STXBP5L: variants seen among roughly 807,000 people sequenced by gnomAD.
STXBP5L encodes the protein syntaxin binding protein 5L.
Under a neutral mutation model 144.5 loss-of-function variants are expected in STXBP5L, and 65 were observed. The observed-to-expected ratio is 0.45, with a 90% CI of 0.37 to 0.55. STXBP5L has a LOEUF of 0.55. STXBP5L is among the 20% of genes least tolerant of loss of function. STXBP5L has a pLI of 0.00. For missense variants in STXBP5L, 1,298 were observed against 1,405.5 expected (o/e 0.92, Z 1.22); for synonymous variants, 505 against 469.6 (o/e 1.08, Z -0.97).
chr3:121,208,407 C>T (rs1411218094), intron 10 of STXBP5L, among the ~76,000 whole-genome samples: 1 of 152,022 alleles, frequency 6.6e-6, no homozygotes, highest in African/African-American at 2.4e-5. Context: ...GGGTGCAGCA[C>T]ACCAACATGG....
At chr3:121,011,191 G>T (rs1944747967) in intron 3 of STXBP5L, among the ~76,000 whole-genome samples, 1 of 150,578 alleles carries the variant, frequency 6.6e-6, no homozygotes, top group South Asian at 2.1e-4. Context: ...TAACATTTAG[G>T]CTTGGCTGCA....
At chr3:121,209,020 T>C (rs1380987776) in intron 10 of STXBP5L, among the ~76,000 whole-genome samples, 1 of 152,194 alleles carries the variant, frequency 6.6e-6, no homozygotes, top group Admixed American at 6.5e-5. Context: ...TATGCAGTGT[T>C]TGGTTTTCTG....
intron 9 of STXBP5L, among the ~76,000 whole-genome samples, chr3:121,162,325 G>T (rs1163682966): frequency 1.3e-5 from 2 of 152,030 alleles, no homozygotes; most frequent in Non-Finnish European, 2.9e-5. Flanking sequence ...TGGGGAAAGG[G>T]TTCCCTATTT....
chr3:121,387,236 A>G (rs1010140567), intron 22 of STXBP5L, among the ~76,000 whole-genome samples: 6 of 152,116 alleles, frequency 3.9e-5, no homozygotes. Flanking sequence ...TCCTTTGCCC[A>G]CTTTTTGATG....
chr3:121,185,850 T>C (rs933148488), intron 9 of STXBP5L, among the ~76,000 whole-genome samples: 10 of 152,224 alleles, frequency 6.6e-5, no homozygotes, highest in Non-Finnish European at 1.0e-4. Flanking sequence ...ATTGGTAGCT[T>C]GATGGAGATG....
chr3:121,063,955 A>G (rs369092751), intron 5 of STXBP5L, among the ~76,000 whole-genome samples: 1 of 152,044 alleles, frequency 6.6e-6, no homozygotes, highest in South Asian at 2.1e-4. Context: ...ACTGAGCTAG[A>G]CCACTTGGAT....
In STXBP5L at chr3:121,419,209, T is replaced by A; in HGVS notation, c.*112T>A. On this transcript the variant is annotated 3_prime_UTR_variant, in exon 27 of 27. Coordinates refer to ENST00000471454, the MANE Select transcript of STXBP5L (RefSeq NM_001308330.2). ...CAGTTTCTTCTACAAAATGTTCCAT[T>A]TACAGTCAATCTGAAATTTTCATAA... The A allele has an allele frequency of 9.6e-7, 1 of 1,042,790 alleles. No individual in the cohort carries two copies. The highest frequency in any genetic ancestry group is 2.6e-5 in the East Asian group (1 of 38,556). 64.6% of individuals were successfully genotyped at this position (1,042,790 alleles called of 1,614,324 possible).
At chr3:121,034,821 C>T (rs2107524196) in intron 3 of STXBP5L, among the ~76,000 whole-genome samples, 1 of 152,180 alleles carries the variant, frequency 6.6e-6, no homozygotes, top group East Asian at 1.9e-4. Flanking sequence ...AGAGTTTGTA[C>T]TAGTTTATTT....
intron 11 of STXBP5L, among the ~76,000 whole-genome samples, chr3:121,231,863 CAAACAG>C (rs974319787): frequency 6.6e-6 from 1 of 152,114 alleles, no homozygotes; most frequent in African/African-American, 2.4e-5. Context: ...TATCAGAATA[CAAACAG>C]AAACAGAAAA....
At chr3:121,329,861 C>T (rs1242428259) in intron 20 of STXBP5L, among the ~76,000 whole-genome samples, 3 of 152,040 alleles carry the variant, frequency 2.0e-5, no homozygotes, top group Non-Finnish European at 4.4e-5. Flanking sequence ...CCCTGTTCCC[C>T]CACATTCCTC....
rs181904087 is a variant in STXBP5L, at chr3:121,055,054, A to T, written c.470+9519A>T. Among the ~76,000 whole-genome samples, 923 of 152,320 alleles carry T rather than the reference A, an allele frequency of 6.1e-3. 7 individuals are homozygous for T. Among genetic ancestry groups the T allele is most frequent in the Admixed American group, 0.013 (200 of 15,288 alleles). The stretch of plus-strand genomic sequence containing the variant: ...CTGAGTTAGATTAATTGGTAGAAAC[A>T]TAAAAGAGCAAGCTGACAGATTTGA... On this transcript the variant is annotated intron_variant, in intron 5 of 26. Coordinates refer to ENST00000471454, the MANE Select transcript of STXBP5L (RefSeq NM_001308330.2).
At chr3:121,127,488 G>T (rs2044762957) in intron 7 of STXBP5L, among the ~76,000 whole-genome samples, 1 of 151,988 alleles carries the variant, frequency 6.6e-6, no homozygotes, top group African/African-American at 2.4e-5. Context: ...TCCTTGACTT[G>T]TGGCAGTATA....
At chr3:120,975,558 T>C (rs1940880701) in intron 3 of STXBP5L, among the ~76,000 whole-genome samples, 1 of 152,172 alleles carries the variant, frequency 6.6e-6, no homozygotes, top group African/African-American at 2.4e-5. Flanking sequence ...CTGATTGCCC[T>C]GGCCAGAACT....
chr3:120,971,403 C>G (rs1326011487), intron 3 of STXBP5L, among the ~76,000 whole-genome samples: 1 of 151,854 alleles, frequency 6.6e-6, no homozygotes, highest in African/African-American at 2.4e-5. Flanking sequence ...TCCATCCCAC[C>G]TTTTGGAGCC....
intron 3 of STXBP5L, among the ~76,000 whole-genome samples, chr3:121,021,510 C>A (rs1246093151): frequency 6.6e-6 from 1 of 152,100 alleles, no homozygotes; most frequent in Non-Finnish European, 1.5e-5. Context: ...AAGACCATAT[C>A]ATAGGCCACA....
At chr3:120,936,602 A>T (rs576261467) in intron 2 of STXBP5L, among the ~76,000 whole-genome samples, 3 of 150,940 alleles carry the variant, frequency 2.0e-5, no homozygotes, top group Non-Finnish European at 4.4e-5. Context: ...TCTTAAATAA[A>T]GTCTGATACA....
rs780076881 is a variant in STXBP5L at position 121,263,352 on chromosome 3, C to T, written c.1958+4184C>T. On this transcript the variant is annotated intron_variant, in intron 18 of 26. Transcript: ENST00000471454. The stretch of plus-strand genomic sequence containing the variant: ...CAAAGACCAAAAGTAGATGAATCCA[C>T]GAACATGAGGAAAAACCAGCACAAA... Among the ~76,000 whole-genome samples the T allele has an allele frequency of 4.6e-5, 7 of 152,260 alleles. No individual in the cohort carries two copies. The East Asian group carries it at 5.8e-4, about 13-fold the overall frequency.
chr3:120,967,496 G>A (rs763866405), intron 3 of STXBP5L, among the ~76,000 whole-genome samples: 2 of 152,058 alleles, frequency 1.3e-5, no homozygotes, highest in Non-Finnish European at 2.9e-5. Flanking sequence ...GGATTTTTAG[G>A]TCTCTCTTTT....
chr3:121,324,820 A>C (rs2044090524), intron 20 of STXBP5L, among the ~76,000 whole-genome samples: 1 of 152,060 alleles, frequency 6.6e-6, no homozygotes, highest in African/African-American at 2.4e-5. Flanking sequence ...TTTCCACAAA[A>C]TTTTGGTAGT....
Sources: allele counts gnomAD v4.1 joint callset (sites outside exome capture counted in the v4.1 genomes callset), GRCh38; gene constraint gnomAD v4.1.1; transcripts MANE v1.5; gene names NCBI Gene and HGNC (gene_info 2026-07-23, HGNC 2026-07-21).